Variants in ERI1 observed in about 807,000 individuals in gnomAD.
The protein encoded by ERI1 is exoribonuclease 1, also known as 3'-5' exoribonuclease 1.
Under a neutral mutation model 39.7 loss-of-function variants are expected in ERI1, and 39 were observed. That is an observed-to-expected ratio of 0.98 (90% CI 0.76 to 1.28). The LOEUF (loss-of-function observed/expected upper bound fraction) is 1.28, where lower values mean the gene tolerates loss of function less well. Ranked by LOEUF, ERI1 falls within the 50% of genes most tolerant of loss-of-function variation. The pLI is 0.00. For missense variants in ERI1, 581 were observed against 416.9 expected, an observed-to-expected ratio of 1.39 and a Z score of -3.43; for synonymous variants, 204 against 149.6, an observed-to-expected ratio of 1.36 and a Z score of -2.65.
intron 3 of ERI1, among the ~76,000 whole-genome samples, chr8:9,082,037 C>T (rs568288180): frequency 3.2e-4 from 48 of 152,256 alleles, no homozygotes; most frequent in African/African-American, 1.1e-3. Context: ...TGTGTCCCCC[C>T]ACCCCATTAG....
At chr8:9,056,514 A>C (rs1466946934) in intron 3 of ERI1, among the ~76,000 whole-genome samples, 1 of 123,236 alleles carries the variant, frequency 8.1e-6, no homozygotes, top group African/African-American at 2.6e-5. Flanking sequence ...CTGTAAGTAA[A>C]ATATTTGTCC....
chr8:9,078,683 T>C (rs1799282609), intron 3 of ERI1, among the ~76,000 whole-genome samples: 1 of 152,216 alleles, frequency 6.6e-6, no homozygotes. Context: ...AAATGCATAT[T>C]CTCAGGTCCA....
chr8:9,075,227 C>G (rs972861606), intron 3 of ERI1, among the ~76,000 whole-genome samples: 3 of 152,220 alleles, frequency 2.0e-5, no homozygotes, highest in Non-Finnish European at 2.9e-5. Flanking sequence ...TGAGCCCAGA[C>G]AGACCTTTCA....
downstream of ERI1, among the ~76,000 whole-genome samples, chr8:9,037,278 T>A (rs1223443723): frequency 3.3e-5 from 5 of 152,208 alleles, no homozygotes; most frequent in Non-Finnish European, 4.4e-5. Flanking sequence ...CACACTCGCG[T>A]TGAGTCGCAT....
At chr8:9,007,845 T>A in intron 1 of ERI1, 125 bp from the exon 2 acceptor site, 2 of 1,392,898 alleles carry the variant, frequency 1.4e-6, no homozygotes, top group South Asian at 3.2e-5. Context: ...GTGAACACTT[T>A]TCATTGAACA....
intron 2 of ERI1, among the ~76,000 whole-genome samples, chr8:9,009,501 C>T (rs1268856175): frequency 6.6e-6 from 1 of 152,150 alleles, no homozygotes; most frequent in African/African-American, 2.4e-5. Flanking sequence ...TGTTGTGCAA[C>T]CAAAGTTATA....
At chr8:9,065,505 C>G (rs1003820006) in intron 3 of ERI1, among the ~76,000 whole-genome samples, 3 of 151,936 alleles carry the variant, frequency 2.0e-5, no homozygotes, top group East Asian at 1.9e-4. Context: ...ACCATCTTGG[C>G]TAACGTGGTG....
At chr8:9,028,480 A>C (rs1185038170) in intron 6 of ERI1, among the ~76,000 whole-genome samples, 1 of 152,188 alleles carries the variant, frequency 6.6e-6, no homozygotes, top group Non-Finnish European at 1.5e-5. Context: ...TATCCCAGTA[A>C]CCCTATGAGT....
At chr8:9,022,054 A>G (rs1305226243) in intron 6 of ERI1, among the ~76,000 whole-genome samples, 2 of 152,060 alleles carry the variant, frequency 1.3e-5, no homozygotes, top group East Asian at 1.9e-4. Flanking sequence ...CATCATTGAC[A>G]TTACTAGATA....
intron 3 of ERI1, among the ~76,000 whole-genome samples, chr8:9,096,366 G>T (rs866874044): frequency 2.6e-5 from 4 of 152,282 alleles, no homozygotes; most frequent in African/African-American, 9.6e-5. Flanking sequence ...AAAACAAGGG[G>T]TGTCTGAGGA....
chr8:9,056,862 C>A (rs534015035), intron 3 of ERI1, among the ~76,000 whole-genome samples: 26 of 152,286 alleles, frequency 1.7e-4, no homozygotes, highest in African/African-American at 5.8e-4. Flanking sequence ...GAGACAAAGT[C>A]TTGCTCTGTC....
At chr8:9,007,324 A>G (rs2956243) in intron 1 of ERI1, among the ~76,000 whole-genome samples, 126,719 of 152,194 alleles carry the variant, frequency 0.83, 53,504 homozygotes, top group Non-Finnish European at 0.91. Context: ...TTTTGTTTTT[A>G]TGTTGGGCAA....
chr8:9,018,912 G>A (rs748803746), intron 5 of ERI1, among the ~76,000 whole-genome samples: 36 of 152,070 alleles, frequency 2.4e-4, no homozygotes, highest in Non-Finnish European at 4.3e-4. Flanking sequence ...CCCTGACAAC[G>A]CCATTGATCT....
intron 6 of ERI1, among the ~76,000 whole-genome samples, chr8:9,025,579 T>A (rs538679830): frequency 6.6e-6 from 1 of 152,222 alleles, no homozygotes; most frequent in African/African-American, 2.4e-5. Context: ...GAGGTTGGTT[T>A]GTTCTTTGTC....
intron 3 of ERI1, among the ~76,000 whole-genome samples, chr8:9,061,029 C>T (rs1234402875): frequency 6.6e-6 from 1 of 152,160 alleles, no homozygotes; most frequent in African/African-American, 2.4e-5. Context: ...GACGCGTAGT[C>T]CTTTTGCAAG....
rs544371460 is a variant in ERI1, at chr8:9,026,663, T to C, written c.808-3129T>C. ...CTGAAATGCTCCAAAAATCTGAAAC[T>C]TTCTGGGCACTGACATTGTACTCAA... On this transcript the variant is annotated intron_variant, in intron 6 of 6. Coordinates refer to ENST00000250263, the MANE Select transcript of ERI1 (RefSeq NM_153332.4). 2.6e-3 allele frequency among the ~76,000 whole-genome samples: 402 copies of C among 152,310 alleles called. 1 individual carries two copies. Among genetic ancestry groups the C allele is most frequent in the Non-Finnish European group, 4.1e-3 (282 of 68,026 alleles).
intron 6 of ERI1, 119 bp from the exon 7 acceptor site, chr8:9,029,673 T>TG (rs1331379875): frequency 2.5e-5 from 31 of 1,242,298 alleles, no homozygotes; most frequent in Non-Finnish European, 3.4e-5. Context: ...TATTGCCCTT[T>TG]GCCTAGCTTT....
intron 3 of ERI1, among the ~76,000 whole-genome samples, chr8:9,090,580 G>A (rs1799673051): frequency 6.6e-6 from 1 of 152,160 alleles, no homozygotes; most frequent in Non-Finnish European, 1.5e-5. Context: ...TTTTTAAATG[G>A]AAAAAGTTAC....
Position 9,063,004 on chromosome 8 carries a change from G to T in ERI1, n.299+42540G>T, listed in dbSNP as rs1333499848. On this transcript the variant is annotated intron_variant and non_coding_transcript_variant, in intron 3 of 3. Transcript: ENST00000518663. ...TGTGGCTGGGGTTTGTCTCACAGTGGAGGCAAGGAATTGCAACTCAGAAAT... is the reference window on the plus strand; with the variant it reads ...TGTGGCTGGGGTTTGTCTCACAGTGTAGGCAAGGAATTGCAACTCAGAAAT... Among the ~76,000 whole-genome samples the T allele has an allele frequency of 2.0e-5, 3 of 152,168 alleles. No homozygotes were observed. The East Asian group carries it at 5.8e-4, about 29-fold the overall frequency.
Sources: gnomAD v4.1 joint callset for allele counts (sites outside exome capture counted in the v4.1 genomes callset) on GRCh38, gnomAD v4.1.1 for gene constraint, MANE v1.5 for transcripts, NCBI Gene and HGNC (gene_info 2026-07-23, HGNC 2026-07-21) for gene names.